Variants in ATP6V1B1 observed in about 807,000 individuals in gnomAD.
The protein encoded by ATP6V1B1 is V-type proton ATPase subunit B, kidney isoform.
Under a neutral mutation model 62.1 loss-of-function variants are expected in ATP6V1B1, and 41 were observed. The ratio of observed to expected loss-of-function variants is 0.66; its 90% CI spans 0.51 to 0.86. The LOEUF (loss-of-function observed/expected upper bound fraction) is 0.86. ATP6V1B1 is among the 40% of genes least tolerant of loss of function. The pLI, the probability that ATP6V1B1 is intolerant of heterozygous loss-of-function variation, is 0.00. For synonymous variants in ATP6V1B1, 253 were observed against 273.4 expected, an observed-to-expected ratio of 0.93 and a Z score of 0.74; for missense variants, 651 against 697.5, an observed-to-expected ratio of 0.93 and a Z score of 0.75.
At position 70,963,139 on chromosome 2, in the gene ATP6V1B1, C is replaced by A; in HGVS notation, c.910-23C>A. The A allele has an allele frequency of 6.2e-7, 1 of 1,614,034 alleles. No individual in the cohort carries two copies. Among genetic ancestry groups the A allele is most frequent in the Non-Finnish European group, 8.5e-7 (1 of 1,180,012 alleles). On this transcript the variant is annotated intron_variant, in intron 9 of 13. Coordinates refer to ENST00000234396, the MANE Select transcript of ATP6V1B1 (RefSeq NM_001692.4). This position sits in a 1 kb window ranked among gnomAD's most constrained non-coding sequence, Gnocchi z 4.3. Reference sequence around the variant, plus strand: ...TTCAGCCTCTCATCCCCTTTCTTACCCCAGTGCCCATGGATATTGCAGGTC... The same window carrying A: ...TTCAGCCTCTCATCCCCTTTCTTACACCAGTGCCCATGGATATTGCAGGTC...
At position 70,965,176 on chromosome 2, in the gene ATP6V1B1, G is replaced by A. The variant is rs1553420874; in HGVS notation, c.*55G>A. The stretch of plus-strand genomic sequence containing the variant: ...CAGGGAACCTACCCTCGGCTCCCGG[G>A]TCTCCCCTCCCTCGCCACCCCAACC... On this transcript the variant is annotated 3_prime_UTR_variant, in exon 14 of 14. Coordinates refer to ENST00000234396, the MANE Select transcript of ATP6V1B1 (RefSeq NM_001692.4). 3 of 1,593,518 alleles carry A rather than the reference G, an allele frequency of 1.9e-6. No individual in the cohort carries two copies. In the African/African-American group the frequency reaches 4.0e-5, roughly 21 times the overall value.
chr2:70,957,925 A>T (rs2104824859), intron 2 of ATP6V1B1, 121 bp from the exon 3 acceptor site: 1 of 933,640 alleles, frequency 1.1e-6, no homozygotes, highest in Non-Finnish European at 1.7e-6. Flanking sequence ...GTTCATTTCC[A>T]CAAGTGTCTG....
At chr2:70,936,683 A>G (rs1553415451) in intron 1 of ATP6V1B1, among the ~76,000 whole-genome samples, 1 of 152,100 alleles carries the variant, frequency 6.6e-6, no homozygotes, top group East Asian at 1.9e-4. Flanking sequence ...TTATGCACTC[A>G]GGGCAAAGGT....
Position 70,965,224 on chromosome 2 carries a change from G to A in ATP6V1B1, c.*103G>A. ...ACCAGCGGCTTCTGCGCCGCCCTCC[G>A]CCCTCCGCTGGCTCCGAGGTGGTGG... On this transcript the variant is annotated 3_prime_UTR_variant, in exon 14 of 14. Transcript: ENST00000234396. 6.6e-7 allele frequency: 1 copy of A among 1,511,650 alleles called. No homozygotes were observed. Among genetic ancestry groups the A allele is most frequent in the South Asian group, 1.2e-5 (1 of 86,458 alleles). The allele number at this position is 1,511,650 out of a possible 1,614,324, so 93.6% of individuals were successfully genotyped here.
At position 70,964,516 on chromosome 2, in the gene ATP6V1B1, G is replaced by A; in HGVS notation, c.1222G>A (p.Asp408Asn). ...SAIGEGMTRKDHGDVSNQLYA... is the reference protein window; with the variant it reads ...SAIGEGMTRKNHGDVSNQLYA... ...CATTGGGGAAGGCATGACAAGAAAG[G>A]ACCATGGAGATGTCTCCAACCAGCT... The change falls in exon 12 of 14, where the codon GAC becomes AAC. Residue 408 changes from aspartate to asparagine, a missense_variant. Physicochemically the swap from Asp to Asn is conservative, Grantham distance 23 (BLOSUM62 1). Transcript: ENST00000234396. 3 of 1,614,172 alleles carry A rather than the reference G, an allele frequency of 1.9e-6. No individual in the cohort carries two copies. Among genetic ancestry groups the A allele is most frequent in the Non-Finnish European group, 2.5e-6 (3 of 1,180,042 alleles).
intron 1 of ATP6V1B1, chr2:70,940,980 G>C: frequency 3.5e-6 from 3 of 859,072 alleles, no homozygotes; most frequent in Non-Finnish European, 4.1e-6. Context: ...ATAATAGCAT[G>C]ATCAGAGCTC....
At chr2:70,955,235 G>A (rs547269278) in intron 2 of ATP6V1B1, among the ~76,000 whole-genome samples, 8 of 152,278 alleles carry the variant, frequency 5.3e-5, no homozygotes, top group Non-Finnish European at 1.0e-4. Flanking sequence ...ACATGATCAC[G>A]CAGTGGCATG....
chr2:70,956,988 C>T (rs1680453167), intron 2 of ATP6V1B1, among the ~76,000 whole-genome samples: 1 of 151,652 alleles, frequency 6.6e-6, no homozygotes, highest in South Asian at 2.1e-4. Context: ...AGTATCTTAT[C>T]TTGTGGCTAT....
intron 8 of ATP6V1B1, among the ~76,000 whole-genome samples, chr2:70,962,355 G>C (rs1327115757): frequency 2.0e-5 from 3 of 152,182 alleles, no homozygotes; most frequent in Non-Finnish European, 4.4e-5. Context: ...TGCAGTGAGG[G>C]TGCTCCAGCT....
At chr2:70,946,394 A>C (rs2239485) in intron 2 of ATP6V1B1, among the ~76,000 whole-genome samples, 23,649 of 152,084 alleles carry the variant, frequency 0.16, 2,154 homozygotes, top group East Asian at 0.48. Flanking sequence ...TGCTAGCTAC[A>C]TGCCAACCCT....
At chr2:70,936,330 T>C (rs1242132985) in intron 1 of ATP6V1B1, among the ~76,000 whole-genome samples, 1 of 152,056 alleles carries the variant, frequency 6.6e-6, no homozygotes, top group East Asian at 1.9e-4. Context: ...ATCAGCCCAA[T>C]CCTGCTGTAA....
chr2:70,950,845 A>G (rs1301154239), intron 2 of ATP6V1B1, among the ~76,000 whole-genome samples: 1 of 151,642 alleles, frequency 6.6e-6, no homozygotes, highest in Non-Finnish European at 1.5e-5. Context: ...TAGTAGGAAC[A>G]TCCATGTCAC....
At chr2:70,961,961 G>A (rs1680598323) in intron 8 of ATP6V1B1, 1 of 523,338 alleles carries the variant, frequency 1.9e-6, no homozygotes, top group East Asian at 3.4e-5. Flanking sequence ...CCAACTCAGG[G>A]CTCCTCATCT....
rs782523505 is a variant in ATP6V1B1 at position 70,963,590 on chromosome 2, C to T, written c.1079C>T (p.Pro360Leu). The change falls in exon 11 of 14, where the codon CCA becomes CTA. Residue 360 changes from proline to leucine, a missense_variant. Transcript: ENST00000234396. The surrounding 1 kb of genome is among the most constrained non-coding windows in gnomAD (Gnocchi z 4.3). Reference sequence around the variant, plus strand: ...CTTGTAGATATCACCCACCCTATCCCAGACTTGACGGGCTTCATCACAGAG... The same window carrying T: ...CTTGTAGATATCACCCACCCTATCCTAGACTTGACGGGCTTCATCACAGAG... ...MPNDDITHPI[P>L]DLTGFITEGQ... 6.2e-7 allele frequency: 1 copy of T among 1,614,188 alleles called. No homozygotes were observed. Among genetic ancestry groups the T allele is most frequent in the South Asian group, 1.1e-5 (1 of 91,078 alleles).
chr2:70,936,146 C>A, intron 1 of ATP6V1B1, 74 bp downstream of exon 1: 1 of 1,471,852 alleles, frequency 6.8e-7, no homozygotes, highest in Admixed American at 1.7e-5. Flanking sequence ...TCCCGGGCCC[C>A]GCTTCTTGCC....
At chr2:70,964,925 C>T (rs782270407) in intron 13 of ATP6V1B1, 33 bp from the exon 14 acceptor site, 2 of 1,613,904 alleles carry the variant, frequency 1.2e-6, no homozygotes, top group Middle Eastern at 1.6e-4. Flanking sequence ...GCCCCACACA[C>T]ATTCCTAACA....
rs782397540 is a variant in ATP6V1B1 at position 70,960,881 on chromosome 2, C to T, written c.586-40C>T. 25 of 1,559,120 alleles carry T rather than the reference C, an allele frequency of 1.6e-5. No individual in the cohort carries two copies. In the African/African-American group the frequency reaches 3.1e-4, roughly 20 times the overall value. ...GTGCTCAGTGGGACAGGGGTCAGCT[C>T]CGACTCTGACGTCCTCCTGCCCAAT... On this transcript the variant is annotated intron_variant, in intron 6 of 13. Transcript: ENST00000234396.
intron 2 of ATP6V1B1, among the ~76,000 whole-genome samples, chr2:70,950,932 A>AC (rs1680309965): frequency 3.1e-5 from 2 of 64,604 alleles, no homozygotes; most frequent in Non-Finnish European, 2.8e-5. Context: ...TTTTTTCCTG[A>AC]TTTTTTTTTT....
intron 2 of ATP6V1B1, among the ~76,000 whole-genome samples, chr2:70,956,763 G>C (rs1390296058): frequency 6.6e-6 from 1 of 151,860 alleles, no homozygotes; most frequent in African/African-American, 2.4e-5. Context: ...GCTAATTTTT[G>C]TATTTTTGTA....
Sources: allele counts gnomAD v4.1 joint callset (sites outside exome capture counted in the v4.1 genomes callset), GRCh38; gene constraint gnomAD v4.1.1; non-coding constraint Gnocchi (gnomAD v3.1); transcripts MANE v1.5; gene names NCBI Gene and HGNC (gene_info 2026-07-23, HGNC 2026-07-21).